Variants in MPHOSPH9 observed in about 807,000 individuals in gnomAD.
The protein encoded by MPHOSPH9 is M-phase phosphoprotein 9.
In MPHOSPH9, 88 loss-of-function variants were observed where a neutral mutation model predicts 145.5. That is an observed-to-expected ratio of 0.60 (90% CI 0.51 to 0.72). The LOEUF is 0.72. MPHOSPH9 is among the 30% of genes least tolerant of loss of function. MPHOSPH9 has a pLI of 0.00. For synonymous variants in MPHOSPH9, 435 were observed against 486.2 expected, an observed-to-expected ratio of 0.89 and a Z score of 1.39; for missense variants, 1,238 against 1,386.6, an observed-to-expected ratio of 0.89 and a Z score of 1.70.
chr12:123,234,947 A>G (rs892077165), upstream of MPHOSPH9, among the ~76,000 whole-genome samples: 2 of 152,190 alleles, frequency 1.3e-5, no homozygotes, highest in African/African-American at 4.8e-5. Flanking sequence ...ATGGCTTATC[A>G]AGTACTTCTT....
chr12:123,218,354 G>A (rs1277136109), intron 6 of MPHOSPH9, 22 bp downstream of exon 6: 1 of 1,613,506 alleles, frequency 6.2e-7, no homozygotes, highest in Non-Finnish European at 8.5e-7. Flanking sequence ...GGAGCCCGCA[G>A]GGAAAGTGAC....
In MPHOSPH9 at chr12:123,221,521, A is replaced by G. The variant is rs2047200084; in HGVS notation, c.723T>C (p.Asp241=). ...TATAAAAATTCTCATTTTTCACACC[A>G]TCTACAAGTGACTCAGCCGGCACCG... The part of the protein sequence containing the change: ...APAVPAESLV[D]GVKNENFYIQ... The change falls in exon 5 of 24, where the codon GAT becomes GAC. Residue 241 remains aspartate, a synonymous_variant. Coordinates refer to ENST00000606320, the MANE Select transcript of MPHOSPH9 (RefSeq NM_022782.4). 4 of 1,614,076 alleles carry G rather than the reference A, an allele frequency of 2.5e-6. No individual in the cohort carries two copies. The highest frequency in any genetic ancestry group is 3.4e-6 in the Non-Finnish European group (4 of 1,180,054).
chr12:123,190,525 T>C (rs2045633662), intron 13 of MPHOSPH9, among the ~76,000 whole-genome samples: 1 of 152,182 alleles, frequency 6.6e-6, no homozygotes, highest in Admixed American at 6.5e-5. Flanking sequence ...TTTATGTACC[T>C]AAGATATTTC....
intron 11 of MPHOSPH9, among the ~76,000 whole-genome samples, chr12:123,199,923 G>A (rs1259162031): frequency 1.3e-5 from 2 of 152,236 alleles, no homozygotes; most frequent in Middle Eastern, 3.4e-3. Flanking sequence ...CATAAGCTGG[G>A]CACTCCTAGT....
chr12:123,192,453 CAAAA>C (rs1215440637), intron 13 of MPHOSPH9, among the ~76,000 whole-genome samples: 2 of 114,324 alleles, frequency 1.7e-5, no homozygotes. Context: ...GACTCCATCT[CAAAA>C]AAAAAAAAAA....
chr12:123,188,642 G>T (rs1047951769), intron 13 of MPHOSPH9, among the ~76,000 whole-genome samples: 1 of 152,192 alleles, frequency 6.6e-6, no homozygotes, highest in Admixed American at 6.6e-5. Flanking sequence ...GAGGTCAGGA[G>T]ATCGAGACCA....
chr12:123,192,234 G>A (rs999893235), intron 13 of MPHOSPH9, among the ~76,000 whole-genome samples: 1 of 151,912 alleles, frequency 6.6e-6, no homozygotes, highest in African/African-American at 2.4e-5. Flanking sequence ...CAGGAGGAAC[G>A]CTTGAGCCCA....
At chr12:123,189,033 C>T (rs1211636516) in intron 13 of MPHOSPH9, among the ~76,000 whole-genome samples, 1 of 152,032 alleles carries the variant, frequency 6.6e-6, no homozygotes, top group Non-Finnish European at 1.5e-5. Flanking sequence ...AAGACTCTGT[C>T]TCAAAAAAAT....
chr12:123,206,921 A>T (rs1447428971), intron 8 of MPHOSPH9, among the ~76,000 whole-genome samples: 1 of 151,840 alleles, frequency 6.6e-6, no homozygotes, highest in East Asian at 1.9e-4. Flanking sequence ...TCAAAAAAAA[A>T]GTTATATAAT....
At chr12:123,153,989 T>C (rs897104506), downstream of MPHOSPH9, among the ~76,000 whole-genome samples, 4 of 152,182 alleles carry the variant, frequency 2.6e-5, no homozygotes, top group African/African-American at 4.8e-5. Flanking sequence ...TCTTGTCCCC[T>C]GAGCCCAGCT....
rs557050174 is a variant in MPHOSPH9 at position 123,208,353 on chromosome 12, A to G, written c.1194+1703T>C. 8.2e-4 allele frequency among the ~76,000 whole-genome samples: 124 copies of G among 151,956 alleles called. 2 individuals carry two copies. Among genetic ancestry groups the G allele is most frequent in the East Asian group, 1.9e-4 (1 of 5,158 alleles). ...AGAGATCGAGACCATCCTGACCAACATGGTGAAACCCCGTCTCTACTAAAA... is the reference window on the plus strand; with the variant it reads ...AGAGATCGAGACCATCCTGACCAACGTGGTGAAACCCCGTCTCTACTAAAA... On this transcript the variant is annotated intron_variant, in intron 8 of 23. Coordinates refer to ENST00000606320, the MANE Select transcript of MPHOSPH9 (RefSeq NM_022782.4).
chr12:123,191,100 T>C (rs903392577), intron 13 of MPHOSPH9, among the ~76,000 whole-genome samples: 3 of 151,986 alleles, frequency 2.0e-5, no homozygotes, highest in Non-Finnish European at 4.4e-5. Context: ...GGCAGGTGGA[T>C]CACTTGAGGT....
intron 8 of MPHOSPH9, among the ~76,000 whole-genome samples, chr12:123,203,978 C>T (rs971514155): frequency 2.0e-5 from 3 of 152,084 alleles, no homozygotes; most frequent in South Asian, 2.1e-4. Context: ...TGAGCCACCA[C>T]GCCTAGCCAA....
chr12:123,203,285 G>C lies in MPHOSPH9; in HGVS notation c.1285C>G (p.Leu429Val), dbSNP rs766727205. The C allele has an allele frequency of 1.9e-6, 3 of 1,613,842 alleles. No individual in the cohort carries two copies. In the South Asian group the frequency reaches 3.3e-5, roughly 18 times the overall value. Residue 429 changes from leucine (L) to valine (V), a missense_variant, in exon 9 of 24, where the codon CTC (leucine) becomes GTC (valine). Leu to Val is a conservative substitution (Grantham distance 32). Transcript: ENST00000606320. ...RENKQLPERN[L>V]TSASNPNHPP... Reference sequence around the variant, plus strand: ...TGATTTGGGTTGGAAGCAGAAGTGAGATTCCTCTCAGGTAACTGCTTGTTT... The same window carrying C: ...TGATTTGGGTTGGAAGCAGAAGTGACATTCCTCTCAGGTAACTGCTTGTTT...
chr12:123,220,109 A>G (rs2047135381), intron 5 of MPHOSPH9, among the ~76,000 whole-genome samples: 1 of 151,912 alleles, frequency 6.6e-6, no homozygotes, highest in Non-Finnish European at 1.5e-5. Flanking sequence ...CAGGAGAATC[A>G]TATGAACCTG....
chr12:123,195,988 C>A (rs779210717), intron 12 of MPHOSPH9, among the ~76,000 whole-genome samples: 1 of 151,634 alleles, frequency 6.6e-6, no homozygotes, highest in Admixed American at 6.6e-5. Context: ...TAAGCCATGA[C>A]GGCTCCACAG....
upstream of MPHOSPH9, among the ~76,000 whole-genome samples, chr12:123,237,356 G>A (rs1328727279): frequency 6.6e-6 from 1 of 152,172 alleles, no homozygotes; most frequent in African/African-American, 2.4e-5. Context: ...CTTGAACCTG[G>A]GAGGCAGAGG....
chr12:123,170,219 T>C (rs890924370), intron 16 of MPHOSPH9, among the ~76,000 whole-genome samples: 2 of 151,962 alleles, frequency 1.3e-5, no homozygotes, highest in African/African-American at 4.8e-5. Context: ...GTCGGCTCAC[T>C]GCAACCTCCG....
At chr12:123,194,935 A>T (rs1014004485) in intron 12 of MPHOSPH9, among the ~76,000 whole-genome samples, 1 of 152,110 alleles carries the variant, frequency 6.6e-6, no homozygotes, top group Admixed American at 6.6e-5. Context: ...AATTTATTTT[A>T]AATGAAAAAA....
Sources: gnomAD v4.1 joint callset for allele counts (sites outside exome capture counted in the v4.1 genomes callset) on GRCh38, gnomAD v4.1.1 for gene constraint, MANE v1.5 for transcripts, NCBI Gene and HGNC (gene_info 2026-07-23, HGNC 2026-07-21) for gene names.